The following ERFL variants were observed in gnomAD, a reference collection of about 807,000 sequenced individuals.
ERFL encodes ETS domain-containing transcription factor ERF-like.
A neutral mutation model predicts 27.9 loss-of-function variants in ERFL; 8 were observed. That is an observed-to-expected ratio of 0.29 (90% CI 0.17 to 0.52). ERFL has a LOEUF of 0.52. ERFL is among the 20% of genes least tolerant of loss of function. The probability of loss-of-function intolerance (pLI) is 0.97; values close to 1 mark genes in which losing one functional copy is unlikely to be tolerated. For missense variants in ERFL, 294 were observed against 444.4 expected (o/e 0.66, Z 3.04); for synonymous variants, 174 against 202.8 (o/e 0.86, Z 1.21).
intron 1 of ERFL, among the ~76,000 whole-genome samples, chr19:41,918,543 TAC>T (rs782505434): frequency 2.6e-5 from 3 of 113,988 alleles, no homozygotes; most frequent in African/African-American, 7.1e-5. Flanking sequence ...ACACTCACCA[TAC>T]ACACACACAT....
Position 41,909,752 on chromosome 19 carries a change from C to G in ERFL, c.302+111G>C. The G allele has an allele frequency of 8.1e-7, 1 of 1,227,106 alleles. No homozygotes were observed. The highest frequency in any genetic ancestry group is 1.5e-5 in the South Asian group (1 of 66,900). The allele number at this position is 1,227,106 out of a possible 1,614,324, so 76.0% of individuals were successfully genotyped here. On this transcript the variant is annotated intron_variant, in intron 3 of 5. Transcript: ENST00000597630. This position sits in a 1 kb window ranked among gnomAD's most constrained non-coding sequence, Gnocchi z 5.2. ...GCGATGGTGGCTACTCACGCACAGC[C>G]CTGTGCCTTGTGGGATCCAGCAGGA...
At chr19:41,915,843 G>A (rs1039929160) in intron 1 of ERFL, among the ~76,000 whole-genome samples, 9 of 152,128 alleles carry the variant, frequency 5.9e-5, no homozygotes, top group Admixed American at 2.0e-4. Flanking sequence ...GGGGCTGCAG[G>A]GCCAAACAGG....
chr19:41,914,563 ATCTCTG>A lies in ERFL; in HGVS notation c.-13-1637_-13-1632del, dbSNP rs782502446. Among the ~76,000 whole-genome samples the A allele has an allele frequency of 3.0e-4, 17 of 56,670 alleles. 1 individual carries two copies. Among genetic ancestry groups the A allele is most frequent in the East Asian group, 9.0e-4 (1 of 1,110 alleles). 37.2% of individuals were successfully genotyped at this position (56,670 alleles called of 152,430 possible). The stretch of plus-strand genomic sequence containing the variant: ...ATCCGTCTTTCCCTCCCCTTCCACC[ATCTCTG>A]TCTCCGTCTCTCCCTCCCTTTCCAC... On this transcript the variant is annotated intron_variant, in intron 1 of 5. Coordinates refer to ENST00000597630, the MANE Select transcript of ERFL (RefSeq NM_001365103.2).
At position 41,908,071 on chromosome 19, in the gene ERFL, C is replaced by A; in HGVS notation, c.*157G>T. 2 of 495,214 alleles carry A rather than the reference C, an allele frequency of 4.0e-6. No individual in the cohort carries two copies. 30.7% of individuals were successfully genotyped at this position (495,214 alleles called of 1,614,324 possible). A position where few individuals can be genotyped will look rare whatever the true frequency, so the allele number is the denominator to read the frequency against. On this transcript the variant is annotated 3_prime_UTR_variant, in exon 6 of 6. Coordinates refer to ENST00000597630, the MANE Select transcript of ERFL (RefSeq NM_001365103.2). This position sits in a 1 kb window ranked among gnomAD's most constrained non-coding sequence, Gnocchi z 6.7. Reference sequence around the variant, plus strand: ...TCCTCTGTGGAGGGGGAAGTGAGACCCCCCCCACTCTGGGGCTGGGGAAGG... The same window carrying A: ...TCCTCTGTGGAGGGGGAAGTGAGACACCCCCCACTCTGGGGCTGGGGAAGG...
Position 41,908,136 on chromosome 19 carries a change from AG to A in ERFL, c.*91del. 1 of 1,043,808 alleles carries A rather than the reference AG, an allele frequency of 9.6e-7. No individual in the cohort carries two copies. The highest frequency in any genetic ancestry group is 1.2e-6 in the Non-Finnish European group (1 of 816,182). The allele number at this position is 1,043,808 out of a possible 1,614,324, so 64.7% of individuals were successfully genotyped here. A position where few individuals can be genotyped will look rare whatever the true frequency, so the allele number is the denominator to read the frequency against. On this transcript the variant is annotated 3_prime_UTR_variant, in exon 6 of 6. Transcript: ENST00000597630. The surrounding 1 kb of genome is among the most constrained non-coding windows in gnomAD (Gnocchi z 6.7). ...ATGTGCCCAGACCTGGGAGGTGCTG[AG>A]GGCTGGTCCTGGGCCTTGGGCCAGG...
rs2074804809 is a variant in ERFL, at chr19:41,916,863, T to TAC, written c.-13-3933_-13-3932dup. Among the ~76,000 whole-genome samples, 1 of 151,758 alleles carries TAC rather than the reference T, an allele frequency of 6.6e-6. No individual in the cohort carries two copies. The highest frequency in any genetic ancestry group is 2.4e-5 in the African/African-American group (1 of 41,250). The stretch of plus-strand genomic sequence containing the variant: ...CGACCGACAGCGGCCCCTGCAGAGG[T>TAC]ACACACAGACACACCCAGACACACT... On this transcript the variant is annotated intron_variant, in intron 1 of 5. Coordinates refer to ENST00000597630, the MANE Select transcript of ERFL (RefSeq NM_001365103.2). The surrounding 1 kb of genome is among the most constrained non-coding windows in gnomAD (Gnocchi z 5.4).
Position 41,921,873 on chromosome 19 carries a change from C to G in ERFL, c.-14+6167G>C, listed in dbSNP as rs1488300173. The stretch of plus-strand genomic sequence containing the variant: ...GACCCATCCCAGCTTCAAAGCCCAC[C>G]CTACCCCTCCTCCTCCTCATCTCCA... On this transcript the variant is annotated intron_variant, in intron 1 of 5. Transcript: ENST00000597630. The surrounding 1 kb of genome is among the most constrained non-coding windows in gnomAD (Gnocchi z 4.4). Among the ~76,000 whole-genome samples the G allele has an allele frequency of 6.6e-6, 1 of 151,778 alleles. No homozygotes were observed. Among genetic ancestry groups the G allele is most frequent in the African/African-American group, 2.4e-5 (1 of 41,248 alleles).
chr19:41,909,926 C>T lies in ERFL; in HGVS notation c.239G>A (p.Arg80Gln). 3 of 1,613,838 alleles carry T rather than the reference C, an allele frequency of 1.9e-6. No homozygotes were observed. Among genetic ancestry groups the T allele is most frequent in the East Asian group, 2.2e-5 (1 of 44,878 alleles). The stretch of plus-strand genomic sequence containing the variant: ...CTTGCATTTGCGAATACCCCACAGC[C>T]GGGCCACCTCATCGGGGTCTTTGAT... ...FVIKDPDEVARLWGIRKCKPH... is the reference protein window; with the variant it reads ...FVIKDPDEVAQLWGIRKCKPH... The change falls in exon 3 of 6, where the codon CGG (arginine) becomes CAG (glutamine). Residue 80 changes from arginine to glutamine, a missense_variant. By Grantham distance (43) the Arg-to-Gln change is conservative. Coordinates refer to ENST00000597630, the MANE Select transcript of ERFL (RefSeq NM_001365103.2). This position sits in a 1 kb window ranked among gnomAD's most constrained non-coding sequence, Gnocchi z 5.2.
Position 41,921,253 on chromosome 19 carries a change from T to G in ERFL, c.-14+6787A>C, listed in dbSNP as rs1599679439. Among the ~76,000 whole-genome samples, 4 of 146,156 alleles carry G rather than the reference T, an allele frequency of 2.7e-5. No homozygotes were observed. The highest frequency in any genetic ancestry group is 6.8e-5 in the Admixed American group (1 of 14,734). On this transcript the variant is annotated intron_variant, in intron 1 of 5. Transcript: ENST00000597630. The surrounding 1 kb of genome is among the most constrained non-coding windows in gnomAD (Gnocchi z 4.4). Reference sequence around the variant, plus strand: ...GAGATGGAGGAACTGGAGGTTGGGGTGGGGGGCACAGAGAAGGGGAGACAT... The same window carrying G: ...GAGATGGAGGAACTGGAGGTTGGGGGGGGGGGCACAGAGAAGGGGAGACAT...
Position 41,909,721 on chromosome 19 carries a change from C to G in ERFL, c.302+142G>C. ...CTCCTCCTCGCCTCCCTTCCACTCA[C>G]AAGTAGCGATGGTGGCTACTCACGC... On this transcript the variant is annotated intron_variant, in intron 3 of 5. Transcript: ENST00000597630. The surrounding 1 kb of genome is among the most constrained non-coding windows in gnomAD (Gnocchi z 5.2). The G allele has an allele frequency of 9.8e-7, 1 of 1,019,950 alleles. No homozygotes were observed. The highest frequency in any genetic ancestry group is 1.4e-6 in the Non-Finnish European group (1 of 719,022). The allele number at this position is 1,019,950 out of a possible 1,614,324, so 63.2% of individuals were successfully genotyped here.
chr19:41,909,487 T>C lies in ERFL; in HGVS notation c.303-16A>G. On this transcript the variant is annotated splice_polypyrimidine_tract_variant and intron_variant, in intron 3 of 5. Transcript: ENST00000597630. This position sits in a 1 kb window ranked among gnomAD's most constrained non-coding sequence, Gnocchi z 5.2. The stretch of plus-strand genomic sequence containing the variant: ...GTAGTAGTAACTGTGGGGAGAGTGG[T>C]GGTGTTGGGGAGGTGCAGGGGGAGC... The C allele has an allele frequency of 8.0e-7, 1 of 1,247,642 alleles. No homozygotes were observed. Among genetic ancestry groups the C allele is most frequent in the Non-Finnish European group, 1.0e-6 (1 of 997,028 alleles). The allele number at this position is 1,247,642 out of a possible 1,614,324, so 77.3% of individuals were successfully genotyped here.
chr19:41,926,548 G>A lies in ERFL; in HGVS notation c.-14+1492C>T, dbSNP rs1278231936. Among the ~76,000 whole-genome samples the A allele has an allele frequency of 3.3e-5, 5 of 152,114 alleles. 1 individual carries two copies. The highest frequency in any genetic ancestry group is 1.3e-4 in the Admixed American group (2 of 15,284). The stretch of plus-strand genomic sequence containing the variant: ...TCGCTCCCCTGTCCTCCCCTCCCTG[G>A]GGAGCCAGTTCTGGCTCTCGGGTCC... On this transcript the variant is annotated intron_variant, in intron 1 of 5. Coordinates refer to ENST00000597630, the MANE Select transcript of ERFL (RefSeq NM_001365103.2).
Position 41,921,581 on chromosome 19 carries a change from G to A in ERFL, c.-14+6459C>T, listed in dbSNP as rs1348389163. On this transcript the variant is annotated intron_variant, in intron 1 of 5. Coordinates refer to ENST00000597630, the MANE Select transcript of ERFL (RefSeq NM_001365103.2). This position sits in a 1 kb window ranked among gnomAD's most constrained non-coding sequence, Gnocchi z 4.4. ...GCGAACCAGAGAGGCTGAGACAAAA[G>A]TAGATTAGAAAGCTGGAGGTCACGG... Among the ~76,000 whole-genome samples, 4 of 152,100 alleles carry A rather than the reference G, an allele frequency of 2.6e-5. No individual in the cohort carries two copies. Among genetic ancestry groups the A allele is most frequent in the African/African-American group, 9.7e-5 (4 of 41,392 alleles).
Position 41,921,878 on chromosome 19 carries a change from C to T in ERFL, c.-14+6162G>A, listed in dbSNP as rs2074844285. On this transcript the variant is annotated intron_variant, in intron 1 of 5. Coordinates refer to ENST00000597630, the MANE Select transcript of ERFL (RefSeq NM_001365103.2). The surrounding 1 kb of genome is among the most constrained non-coding windows in gnomAD (Gnocchi z 4.4). ...ATCCCAGCTTCAAAGCCCACCCTAC[C>T]CCTCCTCCTCCTCATCTCCACCAGG... Among the ~76,000 whole-genome samples, 1 of 151,732 alleles carries T rather than the reference C, an allele frequency of 6.6e-6. No homozygotes were observed. Among genetic ancestry groups the T allele is most frequent in the Non-Finnish European group, 1.5e-5 (1 of 67,896 alleles).
chr19:41,919,017 C>G lies in ERFL; in HGVS notation c.-13-6085G>C, dbSNP rs56274608. ...TACACCACACACATCACATACACAC[C>G]ATGCCACAGACACTATACATCACAC... On this transcript the variant is annotated intron_variant, in intron 1 of 5. Transcript: ENST00000597630. Among the ~76,000 whole-genome samples the G allele has an allele frequency of 6.0e-3, 911 of 151,442 alleles. 9 individuals carry two copies. The highest frequency in any genetic ancestry group is 0.02 in the African/African-American group (842 of 41,236).
Position 41,910,159 on chromosome 19 carries a change from TG to T in ERFL, c.68-63del, listed in dbSNP as rs1424415395. 4 of 1,492,452 alleles carry T rather than the reference TG, an allele frequency of 2.7e-6. No individual in the cohort carries two copies. Among genetic ancestry groups the T allele is most frequent in the Non-Finnish European group, 3.6e-6 (4 of 1,102,434 alleles). 92.5% of individuals were successfully genotyped at this position (1,492,452 alleles called of 1,614,324 possible). A position where few individuals can be genotyped will look rare whatever the true frequency, so the allele number is the denominator to read the frequency against. ...ATGCCAAGTCCAGGGCTCTGGGTCC[TG>T]CTGGACTCAGTAACCTGGGAGGCAT... On this transcript the variant is annotated intron_variant, in intron 2 of 5. Transcript: ENST00000597630. This position sits in a 1 kb window ranked among gnomAD's most constrained non-coding sequence, Gnocchi z 4.4.
chr19:41,925,215 G>A (rs1220960411), intron 1 of ERFL, among the ~76,000 whole-genome samples: 3 of 152,140 alleles, frequency 2.0e-5, no homozygotes, highest in Admixed American at 6.5e-5. Context: ...TGTGTTACCA[G>A]GGCAGAGGAT....
rs560902670 is a variant in ERFL at position 41,921,718 on chromosome 19, C to G, written c.-14+6322G>C. ...GGCAGGAGAGGGATGCAGGCGAGCC[C>G]GGCCCTGGAGGTGGAGTGGAAGGCT... On this transcript the variant is annotated intron_variant, in intron 1 of 5. Coordinates refer to ENST00000597630, the MANE Select transcript of ERFL (RefSeq NM_001365103.2). This position sits in a 1 kb window ranked among gnomAD's most constrained non-coding sequence, Gnocchi z 4.4. Among the ~76,000 whole-genome samples the G allele has an allele frequency of 6.6e-6, 1 of 152,030 alleles. No homozygotes were observed. The highest frequency in any genetic ancestry group is 1.5e-5 in the Non-Finnish European group (1 of 67,978).
In ERFL at chr19:41,917,570, T is replaced by G. The variant is rs1410320819; in HGVS notation, c.-13-4638A>C. Among the ~76,000 whole-genome samples, 4 of 151,200 alleles carry G rather than the reference T, an allele frequency of 2.6e-5. No homozygotes were observed. Among genetic ancestry groups the G allele is most frequent in the Non-Finnish European group, 5.9e-5 (4 of 67,836 alleles). On this transcript the variant is annotated intron_variant, in intron 1 of 5. Coordinates refer to ENST00000597630, the MANE Select transcript of ERFL (RefSeq NM_001365103.2). This position sits in a 1 kb window ranked among gnomAD's most constrained non-coding sequence, Gnocchi z 4.8. ...TTCATATCTTCTCCGGGGCTCTGTCTAAAGAGGAGAGAGACGCGGCCTAAG... is the reference window on the plus strand; with the variant it reads ...TTCATATCTTCTCCGGGGCTCTGTCGAAAGAGGAGAGAGACGCGGCCTAAG...
Sources: allele counts gnomAD v4.1 joint callset (sites outside exome capture counted in the v4.1 genomes callset), GRCh38; gene constraint gnomAD v4.1.1; non-coding constraint Gnocchi (gnomAD v3.1); transcripts MANE v1.5; gene names NCBI Gene and HGNC (gene_info 2026-07-23, HGNC 2026-07-21).